The following AKAP13 variants were observed in gnomAD, a reference collection of about 807,000 sequenced individuals.
AKAP13 encodes the protein A-kinase anchoring protein 13, also known as A-kinase anchor protein 13.
In AKAP13, 80 loss-of-function variants were observed where a neutral mutation model predicts 264.5. The ratio of observed to expected loss-of-function variants is 0.30; its 90% confidence interval spans 0.25 to 0.36. The LOEUF (loss-of-function observed/expected upper bound fraction) is 0.36, where lower values mean the gene tolerates loss of function less well. Among genes scored for constraint, AKAP13 ranks in the 10% least tolerant of loss-of-function variants. The pLI is 1.00. For synonymous variants in AKAP13, 1,380 were observed against 1,250.2 expected, an observed-to-expected ratio of 1.10 and a Z score of -2.19; for missense variants, 3,712 against 3,435.2, an observed-to-expected ratio of 1.08 and a Z score of -2.01.
At chr15:85,426,950 G>T (rs2344435) in intron 1 of AKAP13, among the ~76,000 whole-genome samples, 37,760 of 128,190 alleles carry the variant, frequency 0.29, 7,380 homozygotes, top group African/African-American at 0.54. Context: ...GTATTGTTTT[G>T]TTTTGTTTTT....
chr15:85,390,228 G>A (rs1431243799), intron 1 of AKAP13, among the ~76,000 whole-genome samples: 2 of 152,168 alleles, frequency 1.3e-5, no homozygotes, highest in East Asian at 1.9e-4. Context: ...GAAAATAAAC[G>A]AGTGAACAAA....
chr15:85,696,959 G>T (rs558040411), intron 17 of AKAP13, among the ~76,000 whole-genome samples: 1 of 152,262 alleles, frequency 6.6e-6, no homozygotes, highest in African/African-American at 2.4e-5. Flanking sequence ...GTCTCCCCAG[G>T]TCCCTGAGTG....
intron 8 of AKAP13, chr15:85,635,241 C>T (rs1371497907): frequency 7.6e-6 from 3 of 395,878 alleles, no homozygotes; most frequent in Non-Finnish European, 1.3e-5. Flanking sequence ...TTATCAGTCT[C>T]AAATTTTGAC....
intron 8 of AKAP13, among the ~76,000 whole-genome samples, chr15:85,599,899 A>G (rs1190124267): frequency 6.6e-6 from 1 of 152,156 alleles, no homozygotes; most frequent in Non-Finnish European, 1.5e-5. Context: ...AAATAATATT[A>G]TTTCTGAATT....
intron 8 of AKAP13, among the ~76,000 whole-genome samples, chr15:85,602,571 C>T (rs1365001433): frequency 6.6e-6 from 1 of 152,066 alleles, no homozygotes; most frequent in African/African-American, 2.4e-5. Context: ...ACTGCCACCC[C>T]CACCTTCTGG....
At chr15:85,501,952 G>T (rs751630050) in intron 2 of AKAP13, among the ~76,000 whole-genome samples, 3 of 152,212 alleles carry the variant, frequency 2.0e-5, no homozygotes, top group Non-Finnish European at 4.4e-5. Flanking sequence ...ACCATTTAGG[G>T]ACAGACACTA....
Position 85,737,563 on chromosome 15 carries a change from T to A in AKAP13, c.7557+1429T>A, listed in dbSNP as rs1347046459. Reference sequence around the variant, plus strand: ...GAATCTTTCCTTTTTCCCCCTAAAATACAGAAGGATATTGTTTTATATTTG... The same window carrying A: ...GAATCTTTCCTTTTTCCCCCTAAAAAACAGAAGGATATTGTTTTATATTTG... On this transcript the variant is annotated intron_variant, in intron 33 of 36. Transcript: ENST00000394518. 7.2e-5 allele frequency among the ~76,000 whole-genome samples: 11 copies of A among 152,300 alleles called. No homozygotes were observed. In the East Asian group the frequency reaches 1.5e-3, roughly 21 times the overall value.
chr15:85,521,155 T>C (rs573498243), intron 2 of AKAP13, among the ~76,000 whole-genome samples: 4 of 152,376 alleles, frequency 2.6e-5, no homozygotes, highest in African/African-American at 7.2e-5. Context: ...TTCCTTCATC[T>C]TGTTGATTAA....
chr15:85,744,490 C>A, intron 36 of AKAP13, 138 bp from the exon 37 acceptor site: 1 of 881,218 alleles, frequency 1.1e-6, no homozygotes, highest in Non-Finnish European at 1.9e-6. Flanking sequence ...GTTCAGAAAC[C>A]CCGGTGCGCA....
At chr15:85,620,094 G>T (rs1320985605) in intron 8 of AKAP13, 1 of 1,536,096 alleles carries the variant, frequency 6.5e-7, no homozygotes. Context: ...TGGGCAAAAT[G>T]TATGAACGGC....
intron 2 of AKAP13, among the ~76,000 whole-genome samples, chr15:85,487,091 A>G (rs922237570): frequency 2.0e-5 from 3 of 152,168 alleles, no homozygotes; most frequent in African/African-American, 7.2e-5. Context: ...ATTTTTGTGT[A>G]CTGATCCCTG....
intron 16 of AKAP13, among the ~76,000 whole-genome samples, chr15:85,686,239 C>T (rs866178475): frequency 2.0e-5 from 3 of 151,586 alleles, no homozygotes; most frequent in African/African-American, 7.3e-5. Context: ...TATATACACA[C>T]GTAGATACAT....
chr15:85,587,307 A>ATG (rs1178362971), intron 8 of AKAP13, among the ~76,000 whole-genome samples: 13 of 152,324 alleles, frequency 8.5e-5, no homozygotes, highest in Middle Eastern at 6.8e-3. Flanking sequence ...ATAACACAAT[A>ATG]TGTGATCTTT....
intron 8 of AKAP13, among the ~76,000 whole-genome samples, chr15:85,595,196 C>G (rs1393390992): frequency 6.6e-6 from 1 of 152,014 alleles, no homozygotes; most frequent in East Asian, 1.9e-4. Flanking sequence ...ACTTCCTGGG[C>G]TCAAGTGATA....
intron 6 of AKAP13, among the ~76,000 whole-genome samples, chr15:85,578,346 T>C (rs1191935155): frequency 3.3e-5 from 5 of 152,184 alleles, no homozygotes; most frequent in Admixed American, 6.5e-5. Context: ...TTTGAGACTC[T>C]TTTATTTTTA....
At chr15:85,543,748 G>A (rs768977082) in intron 4 of AKAP13, 24 bp from the exon 5 acceptor site, 189 of 1,574,722 alleles carry the variant, frequency 1.2e-4, no homozygotes, top group Non-Finnish European at 1.5e-4. Context: ...CCTCACTTAC[G>A]TTCATTTTCT....
intron 1 of AKAP13, among the ~76,000 whole-genome samples, chr15:85,470,117 G>A (rs2074905316): frequency 6.6e-6 from 1 of 152,116 alleles, no homozygotes; most frequent in Non-Finnish European, 1.5e-5. Context: ...GTGAAACCCT[G>A]TCTCTACAAA....
At chr15:85,632,872 T>A (rs200991779) in intron 8 of AKAP13, among the ~76,000 whole-genome samples, 1 of 786 alleles carries the variant, frequency 1.3e-3, no homozygotes, top group East Asian at 0.062. Context: ...AGAAATAAAA[T>A]TTTTTTTTTT....
intron 2 of AKAP13, among the ~76,000 whole-genome samples, chr15:85,501,046 T>C (rs2076024814): frequency 6.6e-6 from 1 of 152,220 alleles, no homozygotes; most frequent in Non-Finnish European, 1.5e-5. Context: ...TTTCCTACCA[T>C]TCCTGTCATC....
Sources: gnomAD v4.1 joint callset for allele counts (sites outside exome capture counted in the v4.1 genomes callset) on GRCh38, gnomAD v4.1.1 for gene constraint, MANE v1.5 for transcripts, NCBI Gene and HGNC (gene_info 2026-07-23, HGNC 2026-07-21) for gene names.